ASCC1: variants seen among roughly 807,000 people sequenced by gnomAD.
ASCC1 encodes activating signal cointegrator 1 complex subunit 1, also known as ASC-1 complex subunit P50.
In ASCC1, 35 loss-of-function variants were observed where a neutral mutation model predicts 46.6. The ratio of observed to expected loss-of-function variants is 0.75; its 90% CI spans 0.57 to 0.99. ASCC1 has a LOEUF of 0.99. ASCC1 is among the 50% of genes least tolerant of loss of function. ASCC1 has a pLI of 0.00. For missense variants in ASCC1, 376 were observed against 428.7 expected, an observed-to-expected ratio of 0.88 and a Z score of 1.09; for synonymous variants, 143 against 146.6, an observed-to-expected ratio of 0.98 and a Z score of 0.18.
chr10:72,175,605 G>A (rs371865170), intron 5 of ASCC1, among the ~76,000 whole-genome samples: 4 of 152,136 alleles, frequency 2.6e-5, no homozygotes, highest in South Asian at 2.1e-4. Flanking sequence ...TTCTTAAAAC[G>A]TGGACAAACA....
chr10:72,159,949 G>C (rs1379404563), intron 6 of ASCC1, among the ~76,000 whole-genome samples: 1 of 145,306 alleles, frequency 6.9e-6, no homozygotes, highest in Non-Finnish European at 1.5e-5. Context: ...CTGTCGCCCA[G>C]GCTGGAGTGC....
chr10:72,116,826 G>A (rs1368187425), intron 9 of ASCC1, among the ~76,000 whole-genome samples: 1 of 152,148 alleles, frequency 6.6e-6, no homozygotes, highest in Non-Finnish European at 1.5e-5. Flanking sequence ...AGGCACAGTG[G>A]CTCATGCCTT....
intron 5 of ASCC1, among the ~76,000 whole-genome samples, chr10:72,172,974 T>C (rs1439685649): frequency 3.6e-5 from 5 of 137,412 alleles, no homozygotes; most frequent in Non-Finnish European, 7.8e-5. Context: ...ATATATGTTA[T>C]ATACAATATT....
chr10:72,160,991 G>C (rs984956803), intron 6 of ASCC1, among the ~76,000 whole-genome samples: 3 of 151,910 alleles, frequency 2.0e-5, no homozygotes, highest in African/African-American at 4.8e-5. Context: ...GCTGAGGCAG[G>C]AGAATGGCGA....
chr10:72,168,086 G>A (rs2132788577), intron 5 of ASCC1, among the ~76,000 whole-genome samples: 1 of 152,326 alleles, frequency 6.6e-6, no homozygotes, highest in Non-Finnish European at 1.5e-5. Flanking sequence ...AGCTACTCAG[G>A]AGGCTGAGGC....
At chr10:72,117,820 G>A (rs1377972677) in intron 9 of ASCC1, among the ~76,000 whole-genome samples, 1 of 152,146 alleles carries the variant, frequency 6.6e-6, no homozygotes, top group Non-Finnish European at 1.5e-5. Flanking sequence ...AAAGCCTGGA[G>A]AAGAAGTGAC....
chr10:72,203,810 T>C (rs1186292432), intron 3 of ASCC1, among the ~76,000 whole-genome samples: 1 of 152,162 alleles, frequency 6.6e-6, no homozygotes, highest in Non-Finnish European at 1.5e-5. Flanking sequence ...AATCTGGGTC[T>C]GCAATAAAGT....
intron 7 of ASCC1, chr10:72,133,394 T>C: frequency 1.8e-6 from 1 of 559,384 alleles, no homozygotes; most frequent in South Asian, 1.9e-5. Context: ...AAATAAATGA[T>C]GGCAATATAT....
Position 72,136,840 on chromosome 10 carries a change from C to T in ASCC1, c.747-3659G>A, listed in dbSNP as rs928877669. ...ACTCCGGATGCGCCACCTTTAAGAG[C>T]TGTAACACTCACTGCAAAGGTCTGC... is the stretch of plus-strand genomic sequence containing the variant. On this transcript the variant is annotated intron_variant, in intron 7 of 9. Transcript: ENST00000672957. Among the ~76,000 whole-genome samples, 4 of 151,130 alleles carry T rather than the reference C, an allele frequency of 2.6e-5. No individual in the cohort carries two copies. The South Asian group carries it at 8.4e-4, about 32-fold the overall frequency.
intron 5 of ASCC1, among the ~76,000 whole-genome samples, chr10:72,188,086 T>C (rs978477908): frequency 2.7e-5 from 4 of 147,818 alleles, no homozygotes; most frequent in Non-Finnish European, 5.9e-5. Context: ...TCTCACCCCA[T>C]ACACCACAAA....
chr10:72,180,905 C>A, intron 5 of ASCC1: 1 of 195,678 alleles, frequency 5.1e-6, no homozygotes, highest in Non-Finnish European at 1.1e-5. Flanking sequence ...GTTCTGTTAA[C>A]GAAACTTTGG....
At chr10:72,137,690 G>T (rs750426401) in intron 7 of ASCC1, among the ~76,000 whole-genome samples, 7 of 151,914 alleles carry the variant, frequency 4.6e-5, no homozygotes, top group African/African-American at 7.3e-5. Context: ...TATGAAAAAA[G>T]TACGAAAAGC....
At chr10:72,216,303 A>C (rs530731099), upstream of ASCC1, 2 of 160,596 alleles carry the variant, frequency 1.2e-5, no homozygotes, top group South Asian at 3.1e-4. Context: ...GGTTTGACCG[A>C]GTGCGCATGC....
chr10:72,213,699 G>C (rs1858542914), intron 1 of ASCC1, among the ~76,000 whole-genome samples: 1 of 151,050 alleles, frequency 6.6e-6, no homozygotes, highest in Admixed American at 6.6e-5. Flanking sequence ...GTTGAGGCTG[G>C]AGTTCAAGAT....
chr10:72,209,915 G>A (rs114494815), intron 3 of ASCC1, among the ~76,000 whole-genome samples: 8,390 of 152,222 alleles, frequency 0.055, 783 homozygotes, highest in African/African-American at 0.19. Flanking sequence ...TTTGGATCAT[G>A]GGGGTGGATC....
rs181076863 is a variant in ASCC1 at position 72,130,268 on chromosome 10, C to T, written c.872-2101G>A. On this transcript the variant is annotated intron_variant, in intron 8 of 9. Coordinates refer to ENST00000672957, the MANE Select transcript of ASCC1 (RefSeq NM_001198800.3). Reference sequence around the variant, plus strand: ...GTGACTGCCAGTGGGTATGGGGTTTCATTTTAGGGTGATGAAAATGTTCTA... The same window carrying T: ...GTGACTGCCAGTGGGTATGGGGTTTTATTTTAGGGTGATGAAAATGTTCTA... Among the ~76,000 whole-genome samples, 383 of 152,066 alleles carry T rather than the reference C, an allele frequency of 2.5e-3. 3 individuals carry two copies. The highest frequency in any genetic ancestry group is 8.2e-3 in the African/African-American group (342 of 41,488).
chr10:72,176,374 G>A (rs867162306), intron 5 of ASCC1, among the ~76,000 whole-genome samples: 12 of 152,040 alleles, frequency 7.9e-5, no homozygotes, highest in African/African-American at 2.2e-4. Context: ...ACAGGGTCTC[G>A]CTCTGTCACC....
chr10:72,123,118 A>G (rs1397305195), intron 9 of ASCC1, among the ~76,000 whole-genome samples: 1 of 152,120 alleles, frequency 6.6e-6, no homozygotes, highest in Non-Finnish European at 1.5e-5. Context: ...CAGGCAGATC[A>G]CAAGGTCAGG....
chr10:72,163,467 GCTC>G (rs1849954386), intron 5 of ASCC1, among the ~76,000 whole-genome samples: 2 of 152,284 alleles, frequency 1.3e-5, no homozygotes, highest in South Asian at 4.1e-4. Context: ...GGCCGCGGTG[GCTC>G]ATGCCTGTAA....
Sources: gnomAD v4.1 joint callset for allele counts (sites outside exome capture counted in the v4.1 genomes callset) on GRCh38, gnomAD v4.1.1 for gene constraint, MANE v1.5 for transcripts, NCBI Gene and HGNC (gene_info 2026-07-23, HGNC 2026-07-21) for gene names.